USP24: variants seen among roughly 807,000 people sequenced by gnomAD.
The protein encoded by USP24 is ubiquitin carboxyl-terminal hydrolase 24.
In USP24, 97 loss-of-function variants were observed where a neutral mutation model predicts 361.6. The ratio of observed to expected loss-of-function variants is 0.27; its 90% CI spans 0.23 to 0.32. The LOEUF is 0.32. USP24 is among the 10% of genes least tolerant of loss of function. USP24 has a pLI of 1.00. For synonymous variants in USP24, 1,098 were observed against 1,124.6 expected (o/e 0.98, Z 0.47); for missense variants, 2,353 against 3,165.6 (o/e 0.74, Z 6.16).
chr1:55,143,312 C>T (rs1646940609), intron 21 of USP24, among the ~76,000 whole-genome samples, 193 bp from the exon 22 acceptor site: 1 of 152,182 alleles, frequency 6.6e-6, no homozygotes, highest in South Asian at 2.1e-4. Flanking sequence ...ACCACAGAAG[C>T]ACTGGGCAAA....
At chr1:55,095,997 T>C (rs181667657) in intron 50 of USP24, among the ~76,000 whole-genome samples, 49 of 152,350 alleles carry the variant, frequency 3.2e-4, no homozygotes, top group Admixed American at 4.6e-4. Context: ...CAAGTTCTGA[T>C]TGGGCTGTAC....
In USP24 at chr1:55,077,182, T is replaced by C. The variant is rs1048741735; in HGVS notation, c.7380+53A>G. 8.0e-6 allele frequency: 11 copies of C among 1,370,536 alleles called. No homozygotes were observed. In the African/African-American group the frequency reaches 1.5e-4, roughly 18 times the overall value. 84.9% of individuals were successfully genotyped at this position (1,370,536 alleles called of 1,614,324 possible). ...CATATAATTTTTTATTTATAAACAC[T>C]TGTTGACTAATACATTCCTAAATAA... On this transcript the variant is annotated intron_variant, in intron 62 of 67. Coordinates refer to ENST00000294383, the MANE Select transcript of USP24 (RefSeq NM_015306.3).
chr1:55,150,741 T>C (rs1342999341), intron 16 of USP24, among the ~76,000 whole-genome samples: 1 of 152,240 alleles, frequency 6.6e-6, no homozygotes, highest in Non-Finnish European at 1.5e-5. Context: ...TTATTTCTGA[T>C]ATAGCCTTCT....
chr1:55,213,728 C>T (rs1053846198), intron 1 of USP24, among the ~76,000 whole-genome samples: 11 of 152,180 alleles, frequency 7.2e-5, no homozygotes, highest in African/African-American at 1.4e-4. Context: ...AAAAGCACTG[C>T]TGCTTCTGGT....
intron 38 of USP24, among the ~76,000 whole-genome samples, chr1:55,113,586 A>C (rs1442468682): frequency 6.6e-6 from 1 of 152,170 alleles, no homozygotes; most frequent in Non-Finnish European, 1.5e-5. Flanking sequence ...CAAAAAAAGA[A>C]AATTTCGGGC....
At chr1:55,097,846 A>G (rs1645532763) in intron 47 of USP24, 97 bp downstream of exon 47, 1 of 1,517,548 alleles carries the variant, frequency 6.6e-7, no homozygotes, top group South Asian at 1.4e-5. Context: ...TCTAATGGAA[A>G]TAACAGTAGG....
At chr1:55,123,820 C>T (rs547263153) in intron 35 of USP24, among the ~76,000 whole-genome samples, 5 of 152,282 alleles carry the variant, frequency 3.3e-5, no homozygotes, top group African/African-American at 1.2e-4. Flanking sequence ...GTTCACAAGG[C>T]AAAACTAATT....
chr1:55,106,939 C>A (rs1286190745), intron 40 of USP24, among the ~76,000 whole-genome samples: 1 of 152,108 alleles, frequency 6.6e-6, no homozygotes, highest in Non-Finnish European at 1.5e-5. Context: ...TTATGTATTA[C>A]AAAGTACATA....
At chr1:55,116,051 G>A (rs1646106545) in intron 38 of USP24, among the ~76,000 whole-genome samples, 1 of 152,128 alleles carries the variant, frequency 6.6e-6, no homozygotes, top group Non-Finnish European at 1.5e-5. Context: ...ATAGCATTAA[G>A]AGAAATACCT....
Position 55,083,729 on chromosome 1 carries a change from A to G in USP24, c.6882+43T>C, listed in dbSNP as rs1162461271. ...AGTCTAAAAATTTTTTAGAGTATAA[A>G]TCTTCTGTATTAGGAAAAGATATTA... On this transcript the variant is annotated intron_variant, in intron 57 of 67. Coordinates refer to ENST00000294383, the MANE Select transcript of USP24 (RefSeq NM_015306.3). 3.4e-6 allele frequency: 5 copies of G among 1,455,166 alleles called. No homozygotes were observed. In the South Asian group the frequency reaches 3.9e-5, roughly 11 times the overall value. 90.1% of individuals were successfully genotyped at this position (1,455,166 alleles called of 1,614,324 possible).
At chr1:55,192,467 A>G (rs962699670) in intron 1 of USP24, among the ~76,000 whole-genome samples, 1 of 152,242 alleles carries the variant, frequency 6.6e-6, no homozygotes, top group African/African-American at 2.4e-5. Context: ...CCTCTGATCA[A>G]TATATAGAAA....
Position 55,144,130 on chromosome 1 carries a change from C to A in USP24, c.2436G>T (p.Gln812His). The change falls in exon 21 of 68, where the codon CAG becomes CAT. Residue 812 changes from glutamine (Q) to histidine (H), a missense_variant. Coordinates refer to ENST00000294383, the MANE Select transcript of USP24 (RefSeq NM_015306.3). ...GATTTGAGAATAACGTACTTACCAACTGAGCTCCTTGTCTTTTCAATCGAT... is the reference window on the plus strand; with the variant it reads ...GATTTGAGAATAACGTACTTACCAAATGAGCTCCTTGTCTTTTCAATCGAT... ...CDHRLKRQGA[Q>H]LYVEKLELIG... 1.2e-6 allele frequency: 2 copies of A among 1,605,408 alleles called. No individual in the cohort carries two copies. Among genetic ancestry groups the A allele is most frequent in the East Asian group, 4.5e-5 (2 of 44,588 alleles).
intron 1 of USP24, among the ~76,000 whole-genome samples, chr1:55,179,156 C>G (rs1226955149): frequency 1.3e-5 from 2 of 152,164 alleles, no homozygotes; most frequent in Non-Finnish European, 2.9e-5. Flanking sequence ...CAGTCCTAAC[C>G]TTACCTCTCA....
intron 3 of USP24, among the ~76,000 whole-genome samples, chr1:55,174,623 T>C (rs1649773050): frequency 6.6e-6 from 1 of 152,220 alleles, no homozygotes; most frequent in Admixed American, 6.5e-5. Flanking sequence ...ATTCCAAATA[T>C]GCAACTTGCT....
At chr1:55,175,027 C>T (rs1649817334) in intron 3 of USP24, among the ~76,000 whole-genome samples, 1 of 151,988 alleles carries the variant, frequency 6.6e-6, no homozygotes, top group Non-Finnish European at 1.5e-5. Flanking sequence ...GAAGATAAAT[C>T]TTCATTTCAT....
intron 1 of USP24, among the ~76,000 whole-genome samples, chr1:55,183,588 G>C (rs1232445447): frequency 1.3e-5 from 2 of 152,160 alleles, no homozygotes; most frequent in African/African-American, 4.8e-5. Context: ...AGGAGTAATG[G>C]ACGATTAGAG....
intron 16 of USP24, 121 bp downstream of exon 16, chr1:55,153,748 AG>A: frequency 8.8e-7 from 1 of 1,133,240 alleles, no homozygotes; most frequent in Non-Finnish European, 1.2e-6. Context: ...TTAGACATCA[AG>A]TTTAATATGA....
intron 12 of USP24, among the ~76,000 whole-genome samples, chr1:55,156,015 G>C (rs901759428): frequency 1.3e-5 from 2 of 151,980 alleles, no homozygotes; most frequent in African/African-American, 4.8e-5. Context: ...AATTCCCTTT[G>C]CTTGATATAC....
intron 49 of USP24, 52 bp downstream of exon 49, chr1:55,096,900 G>A: frequency 6.4e-7 from 1 of 1,570,034 alleles, no homozygotes; most frequent in East Asian, 2.3e-5. Flanking sequence ...GATGATAACG[G>A]AGAGCAGGGG....
Sources: allele counts gnomAD v4.1 joint callset (sites outside exome capture counted in the v4.1 genomes callset), GRCh38; gene constraint gnomAD v4.1.1; transcripts MANE v1.5; gene names NCBI Gene and HGNC (gene_info 2026-07-23, HGNC 2026-07-21).